RBSN: variants seen among roughly 807,000 people sequenced by gnomAD.
RBSN encodes the protein rabenosyn-5.
Under a neutral mutation model 60.5 loss-of-function variants are expected in RBSN, and 34 were observed. That is an observed-to-expected ratio of 0.56 (90% CI 0.43 to 0.75). RBSN has a LOEUF of 0.75. Among genes scored for constraint, RBSN ranks in the 30% least tolerant of loss-of-function variants. The probability of loss-of-function intolerance (pLI) is 0.00; values close to 1 mark genes in which losing one functional copy is unlikely to be tolerated. For synonymous variants in RBSN, 322 were observed against 366.9 expected, an observed-to-expected ratio of 0.88 and a Z score of 1.40; for missense variants, 845 against 986.8, an observed-to-expected ratio of 0.86 and a Z score of 1.92.
rs753895221 is a variant in RBSN at position 15,071,094 on chromosome 3, G to C, written c.*2688C>G. On this transcript the variant is annotated 3_prime_UTR_variant, in exon 14 of 14. Coordinates refer to ENST00000253699, the MANE Select transcript of RBSN (RefSeq NM_022340.4). ...CCGTCTCGGCCTCCCAAAGTGCTGG[G>C]ATTACAGGAGTGAGCCACTGCACCC... 5 of 152,228 alleles carry C rather than the reference G, an allele frequency of 3.3e-5. No individual in the cohort carries two copies. Among genetic ancestry groups the C allele is most frequent in the Non-Finnish European group, 7.3e-5 (5 of 68,056 alleles). The allele number at this position is 152,228 out of a possible 1,614,324, so 9.4% of individuals were successfully genotyped here.
chr3:15,093,404 A>T (rs2043568504), intron 4 of RBSN, among the ~76,000 whole-genome samples: 1 of 152,142 alleles, frequency 6.6e-6, no homozygotes. Context: ...AAAGGGAAAA[A>T]CCAAGAGGAT....
intron 13 of RBSN, chr3:15,075,377 C>G: frequency 3.0e-6 from 2 of 665,310 alleles, no homozygotes; most frequent in Non-Finnish European, 5.5e-6. Context: ...GGTATTCTAG[C>G]CATGAGAGAA....
chr3:15,083,466 A>T (rs1157877326), intron 8 of RBSN, among the ~76,000 whole-genome samples: 1 of 152,132 alleles, frequency 6.6e-6, no homozygotes, highest in Admixed American at 6.5e-5. Flanking sequence ...ACTTCTACTC[A>T]GCTTGGTTGC....
chr3:15,079,358 ATTTAGCAAT>A (rs746998337), intron 10 of RBSN, among the ~76,000 whole-genome samples: 9 of 152,346 alleles, frequency 5.9e-5, no homozygotes, highest in Non-Finnish European at 1.3e-4. Context: ...CCACAAAACG[ATTTAGCAAT>A]TCCTCTATGG....
At position 15,077,220 on chromosome 3, in the gene RBSN, G is replaced by T; in HGVS notation, c.999-56C>A. The T allele has an allele frequency of 6.8e-7, 1 of 1,468,072 alleles. No homozygotes were observed. Among genetic ancestry groups the T allele is most frequent in the South Asian group, 1.1e-5 (1 of 88,012 alleles). The allele number at this position is 1,468,072 out of a possible 1,614,324, so 90.9% of individuals were successfully genotyped here. A position where few individuals can be genotyped will look rare whatever the true frequency, so the allele number is the denominator to read the frequency against. ...AGCACTGCCAGCTTCAGAAACAAGG[G>T]TGAAAAGTATAACATCTGGAGTTGC... On this transcript the variant is annotated intron_variant, in intron 11 of 13. Transcript: ENST00000253699. This position sits in a 1 kb window ranked among gnomAD's most constrained non-coding sequence, Gnocchi z 4.4.
chr3:15,080,724 T>C lies in RBSN; in HGVS notation c.911+8A>G, dbSNP rs752624605. Reference sequence around the variant, plus strand: ...ACTGGATTAGAAAAACATAGATGAATAGCTTACTTTAATGATGCTGCCATC... The same window carrying C: ...ACTGGATTAGAAAAACATAGATGAACAGCTTACTTTAATGATGCTGCCATC... On this transcript the variant is annotated splice_region_variant and intron_variant, in intron 10 of 13. Coordinates refer to ENST00000253699, the MANE Select transcript of RBSN (RefSeq NM_022340.4). 3.1e-6 allele frequency: 5 copies of C among 1,613,442 alleles called. No homozygotes were observed. The highest frequency in any genetic ancestry group is 4.2e-6 in the Non-Finnish European group (5 of 1,179,524).
chr3:15,081,753 TGG>T (rs1469902056), intron 9 of RBSN, among the ~76,000 whole-genome samples: 2 of 152,228 alleles, frequency 1.3e-5, no homozygotes. Context: ...CCAGTCCACC[TGG>T]CTAGTCTTCC....
Position 15,075,656 on chromosome 3 carries a change from T to C in RBSN, c.1156A>G (p.Lys386Glu), listed in dbSNP as rs752094724. The C allele has an allele frequency of 4.1e-5, 66 of 1,614,098 alleles. No homozygotes were observed. The highest frequency in any genetic ancestry group is 5.5e-5 in the Non-Finnish European group (65 of 1,180,054). ...TCCATTTCCTCCTTCCTTTTCTTTT[T>C]CAGTTCCTCAAACTGTTCTTTGGTT... is the stretch of plus-strand genomic sequence containing the variant. ...LPTKEQFEELKKKRKEEMERK... is the reference protein window; with the variant it reads ...LPTKEQFEELEKKRKEEMERK... Residue 386 changes from lysine to glutamate, a missense_variant, in exon 13 of 14, where the codon AAA becomes GAA. Physicochemically the swap from Lys to Glu is moderately conservative, Grantham distance 56. Transcript: ENST00000253699.
intron 5 of RBSN, among the ~76,000 whole-genome samples, chr3:15,088,998 C>A (rs930556820): frequency 1.6e-4 from 25 of 151,962 alleles, no homozygotes; most frequent in Admixed American, 5.9e-4. Flanking sequence ...GTTTCCTCAT[C>A]CATAAATGGG....
chr3:15,074,329 G>A lies in RBSN; in HGVS notation c.1808C>T (p.Pro603Leu). ...STQPTRVWSG[P>L]PAVGQERLPQ... ...TAAGCGCTCCTGGCCAACGGCTGGGGGCCCAGACCACACTCTGGTGGGTTG... is the reference window on the plus strand; with the variant it reads ...TAAGCGCTCCTGGCCAACGGCTGGGAGCCCAGACCACACTCTGGTGGGTTG... Residue 603 changes from proline to leucine, a missense_variant, in exon 14 of 14, where the codon CCC (proline) becomes CTC (leucine). Coordinates refer to ENST00000253699, the MANE Select transcript of RBSN (RefSeq NM_022340.4). This position sits in a 1 kb window ranked among gnomAD's most constrained non-coding sequence, Gnocchi z 6.4. 6.2e-7 allele frequency: 1 copy of A among 1,614,156 alleles called. No individual in the cohort carries two copies. Among genetic ancestry groups the A allele is most frequent in the Non-Finnish European group, 8.5e-7 (1 of 1,180,016 alleles).
intron 5 of RBSN, among the ~76,000 whole-genome samples, chr3:15,087,948 G>A (rs2043392851): frequency 6.6e-6 from 1 of 152,072 alleles, no homozygotes; most frequent in Non-Finnish European, 1.5e-5. Context: ...CCATCCACAT[G>A]TCTTTTCTTC....
At position 15,074,627 on chromosome 3, in the gene RBSN, C is replaced by A. The variant is rs892813339; in HGVS notation, c.1510G>T (p.Ala504Ser). Reference protein sequence around the residue: ...DEYDQQQTEKAIELSRRQAEE... With the variant: ...DEYDQQQTEKSIELSRRQAEE... Reference sequence around the variant, plus strand: ...GCCTGCCTCCGGGACAGCTCGATGGCCTTCTCTGTCTGCTGCTGGTCATAC... The same window carrying A: ...GCCTGCCTCCGGGACAGCTCGATGGACTTCTCTGTCTGCTGCTGGTCATAC... Residue 504 changes from alanine (A) to serine (S), a missense_variant, in exon 14 of 14, where the codon GCC (alanine) becomes TCC (serine). Physicochemically the swap from Ala to Ser is moderately conservative, Grantham distance 99. Transcript: ENST00000253699. The surrounding 1 kb of genome is among the most constrained non-coding windows in gnomAD (Gnocchi z 6.4). The A allele has an allele frequency of 6.2e-7, 1 of 1,614,144 alleles. No individual in the cohort carries two copies. Among genetic ancestry groups the A allele is most frequent in the African/African-American group, 1.3e-5 (1 of 74,960 alleles).
rs186409039 is a variant in RBSN at position 15,080,638 on chromosome 3, A to G, written c.911+94T>C. ...GGTCTCAGAAAAAAAGCACGGTTGAAGTTAAGATTTTCATTTTTGGCTACT... is the reference window on the plus strand; with the variant it reads ...GGTCTCAGAAAAAAAGCACGGTTGAGGTTAAGATTTTCATTTTTGGCTACT... On this transcript the variant is annotated intron_variant, in intron 10 of 13. Transcript: ENST00000253699. 2.4e-6 allele frequency: 3 copies of G among 1,275,198 alleles called. No homozygotes were observed. The African/African-American group carries it at 4.5e-5, about 19-fold the overall frequency. The allele number at this position is 1,275,198 out of a possible 1,614,324, so 79.0% of individuals were successfully genotyped here. A position where few individuals can be genotyped will look rare whatever the true frequency, so the allele number is the denominator to read the frequency against.
chr3:15,088,104 C>G (rs912030079), intron 5 of RBSN, among the ~76,000 whole-genome samples: 5 of 152,078 alleles, frequency 3.3e-5, no homozygotes, highest in Non-Finnish European at 7.4e-5. Flanking sequence ...AGAAAATCAC[C>G]CTAGTAATCT....
At chr3:15,085,994 T>A in intron 5 of RBSN, 33 bp from the exon 6 acceptor site, 1 of 1,570,848 alleles carries the variant, frequency 6.4e-7, no homozygotes, top group Non-Finnish European at 8.7e-7. Context: ...GACAAATGAC[T>A]TATAGTTTCT....
intron 12 of RBSN, 152 bp downstream of exon 12, chr3:15,076,910 C>G (rs547879739): frequency 2.7e-4 from 163 of 605,948 alleles, no homozygotes; most frequent in Admixed American, 8.5e-4. Flanking sequence ...CCAGATTTTT[C>G]TCTAAGTGTG....
intron 4 of RBSN, 156 bp downstream of exon 4, chr3:15,095,817 G>A: frequency 1.1e-6 from 1 of 910,182 alleles, no homozygotes; most frequent in Non-Finnish European, 1.7e-6. Context: ...AATAAACAGG[G>A]AAACTCTGAA....
In RBSN at chr3:15,077,968, C is replaced by T; in HGVS notation, c.998+107G>A. The T allele has an allele frequency of 1.1e-6, 1 of 942,250 alleles. No homozygotes were observed. The highest frequency in any genetic ancestry group is 1.7e-6 in the Non-Finnish European group (1 of 589,652). 58.4% of individuals were successfully genotyped at this position (942,250 alleles called of 1,614,324 possible). A position where few individuals can be genotyped will look rare whatever the true frequency, so the allele number is the denominator to read the frequency against. ...TCCTTGCCCTCCTCCTCACCCACTGCCCCATCACCAGAAGTCTGAGTGAGT... is the reference window on the plus strand; with the variant it reads ...TCCTTGCCCTCCTCCTCACCCACTGTCCCATCACCAGAAGTCTGAGTGAGT... On this transcript the variant is annotated intron_variant, in intron 11 of 13. Transcript: ENST00000253699. This position sits in a 1 kb window ranked among gnomAD's most constrained non-coding sequence, Gnocchi z 4.4.
intron 5 of RBSN, among the ~76,000 whole-genome samples, chr3:15,087,908 C>A (rs111593609): frequency 2.6e-5 from 4 of 152,052 alleles, no homozygotes; most frequent in African/African-American, 9.7e-5. Flanking sequence ...GGTGAGCCAC[C>A]GCACCTGGCC....
Sources: allele counts gnomAD v4.1 joint callset (sites outside exome capture counted in the v4.1 genomes callset), GRCh38; gene constraint gnomAD v4.1.1; non-coding constraint Gnocchi (gnomAD v3.1); transcripts MANE v1.5; gene names NCBI Gene and HGNC (gene_info 2026-07-23, HGNC 2026-07-21).